The following RNF149 variants were observed in gnomAD, a reference collection of about 807,000 sequenced individuals.
RNF149 encodes E3 ubiquitin-protein ligase RNF149.
In RNF149, 21 loss-of-function variants were observed where a neutral mutation model predicts 39.0. That is an observed-to-expected ratio of 0.54 (90% CI 0.38 to 0.77). RNF149 has a LOEUF of 0.77. RNF149 is among the 30% of genes least tolerant of loss of function. The pLI, the probability that RNF149 is intolerant of heterozygous loss-of-function variation, is 0.00. For synonymous variants in RNF149, 209 were observed against 213.6 expected, an observed-to-expected ratio of 0.98 and a Z score of 0.19; for missense variants, 493 against 534.9, an observed-to-expected ratio of 0.92 and a Z score of 0.77.
At chr2:101,271,308 T>G (rs1268742373), downstream of RNF149, 3 of 152,206 alleles carry the variant, frequency 2.0e-5, no homozygotes, top group Non-Finnish European at 4.4e-5. Flanking sequence ...AGATTTACAC[T>G]TGCAACACCA....
At chr2:101,299,534 A>AT (rs1413192799) in intron 1 of RNF149, among the ~76,000 whole-genome samples, 1 of 152,250 alleles carries the variant, frequency 6.6e-6, no homozygotes, top group East Asian at 1.9e-4. Flanking sequence ...TATATCTGAT[A>AT]TAACTATATG....
chr2:101,289,228 A>AAAT lies in RNF149; in HGVS notation c.781-176_781-174dup, dbSNP rs375456318. On this transcript the variant is annotated intron_variant, in intron 3 of 6. Transcript: ENST00000295317. ...GTTTACCACTATTAGAGGATTATCT[A>AAAT]AATACGGTTGAAAAGGAAAAAATTT... Among the ~76,000 whole-genome samples the AAAT allele has an allele frequency of 6.3e-3, 953 of 152,324 alleles. 4 individuals are homozygous for AAAT. Among genetic ancestry groups the AAAT allele is most frequent in the African/African-American group, 0.022 (910 of 41,568 alleles).
intron 5 of RNF149, among the ~76,000 whole-genome samples, chr2:101,282,389 ACT>A: frequency 6.6e-6 from 1 of 152,152 alleles, no homozygotes; most frequent in Middle Eastern, 3.4e-3. Flanking sequence ...ATAGCCATGA[ACT>A]CTGATTACCG....
intron 1 of RNF149, among the ~76,000 whole-genome samples, chr2:101,301,849 T>C (rs755423895): frequency 1.3e-5 from 2 of 152,222 alleles, no homozygotes; most frequent in Non-Finnish European, 2.9e-5. Context: ...GACAACTATT[T>C]AAAGTAGATT....
chr2:101,286,047 G>A (rs1047243312), intron 5 of RNF149, 34 bp downstream of exon 5: 7 of 1,218,994 alleles, frequency 5.7e-6, no homozygotes, highest in Non-Finnish European at 7.3e-6. Context: ...AAGAACTGGG[G>A]CAGAGATTGA....
At chr2:101,300,923 G>A (rs989558163) in intron 1 of RNF149, among the ~76,000 whole-genome samples, 7 of 152,280 alleles carry the variant, frequency 4.6e-5, no homozygotes, top group South Asian at 2.1e-4. Flanking sequence ...TCTTGCCTCC[G>A]ATGCATCGCC....
At chr2:101,277,640 C>A (rs927470400) in intron 6 of RNF149, among the ~76,000 whole-genome samples, 14 of 152,192 alleles carry the variant, frequency 9.2e-5, no homozygotes, top group African/African-American at 3.1e-4. Context: ...CCACCCACCT[C>A]AGCCTCCCAA....
intron 5 of RNF149, among the ~76,000 whole-genome samples, chr2:101,285,603 G>T (rs1682765588): frequency 1.3e-5 from 2 of 152,176 alleles, no homozygotes; most frequent in African/African-American, 4.8e-5. Flanking sequence ...GTGACCATCG[G>T]TGATGAACCA....
In RNF149 at chr2:101,308,689, CTG is replaced by C; in HGVS notation, c.-103_-102del. 8.7e-7 allele frequency: 1 copy of C among 1,144,326 alleles called. No individual in the cohort carries two copies. Among genetic ancestry groups the C allele is most frequent in the Non-Finnish European group, 1.2e-6 (1 of 852,144 alleles). 70.9% of individuals were successfully genotyped at this position (1,144,326 alleles called of 1,614,324 possible). A position where few individuals can be genotyped will look rare whatever the true frequency, so the allele number is the denominator to read the frequency against. On this transcript the variant is annotated 5_prime_UTR_variant, in exon 1 of 7. Coordinates refer to ENST00000295317, the MANE Select transcript of RNF149 (RefSeq NM_173647.4). ...GGACACCCACCGCCGCCCTGGAAGA[CTG>C]AGGCGGGGTCGGGGCCGCTGCGCAC...
At chr2:101,277,331 C>T (rs553651435) in intron 6 of RNF149, 50 bp from the exon 7 acceptor site, 200 of 1,565,404 alleles carry the variant, frequency 1.3e-4, no homozygotes, top group Non-Finnish European at 1.5e-4. Flanking sequence ...CAGCATATTC[C>T]GAGCTTCAAC....
At chr2:101,286,018 T>A in intron 5 of RNF149, 63 bp downstream of exon 5, 2 of 942,784 alleles carry the variant, frequency 2.1e-6, no homozygotes, top group South Asian at 2.8e-5. Context: ...TAGTCAATAA[T>A]GAAACTGAAT....
downstream of RNF149, among the ~76,000 whole-genome samples, chr2:101,275,504 G>C (rs1239358154): frequency 7.6e-6 from 1 of 131,212 alleles, no homozygotes; most frequent in Non-Finnish European, 1.6e-5. Flanking sequence ...TGCAGTGGCG[G>C]GATCTCGGCT....
In RNF149 at chr2:101,281,924, G is replaced by A; in HGVS notation, c.1094C>T (p.Ala365Val). 6.2e-7 allele frequency: 1 copy of A among 1,613,976 alleles called. No individual in the cohort carries two copies. The highest frequency in any genetic ancestry group is 8.5e-7 in the Non-Finnish European group (1 of 1,179,942). The change falls in exon 6 of 7, where the codon GCT (alanine) becomes GTT (valine). Residue 365 changes from alanine (A) to valine (V), a missense_variant. Coordinates refer to ENST00000295317, the MANE Select transcript of RNF149 (RefSeq NM_173647.4). The part of the protein sequence containing the change: ...DDSSPPSASP[A>V]ESEPQCDPSF... ...GGGATCACACTGTGGCTCAGATTCA[G>A]CAGGGGAGGCTGATGGTGGACTGCT... is the stretch of plus-strand genomic sequence containing the variant.
intron 3 of RNF149, among the ~76,000 whole-genome samples, chr2:101,292,917 G>A (rs1683074240): frequency 6.6e-6 from 1 of 151,722 alleles, no homozygotes; most frequent in African/African-American, 2.4e-5. Context: ...CTATCCCCAA[G>A]GACCTTCTGA....
At chr2:101,301,068 C>G (rs536496340) in intron 1 of RNF149, among the ~76,000 whole-genome samples, 1 of 152,164 alleles carries the variant, frequency 6.6e-6, no homozygotes, top group Non-Finnish European at 1.5e-5. Context: ...ACTCAAAAGA[C>G]TTGGGATGAC....
At chr2:101,297,995 G>A (rs1399734966) in intron 1 of RNF149, among the ~76,000 whole-genome samples, 3 of 152,192 alleles carry the variant, frequency 2.0e-5, no homozygotes, top group Admixed American at 6.5e-5. Context: ...CACACTGCTG[G>A]ACAAGGGGGT....
intron 1 of RNF149, among the ~76,000 whole-genome samples, chr2:101,297,930 A>T (rs1683299905): frequency 6.6e-6 from 1 of 152,232 alleles, no homozygotes; most frequent in Admixed American, 6.5e-5. Flanking sequence ...ATTGGCAAAG[A>T]TCAAAAAGTC....
chr2:101,305,662 C>T (rs991894066), intron 1 of RNF149, among the ~76,000 whole-genome samples: 1 of 152,238 alleles, frequency 6.6e-6, no homozygotes, highest in Non-Finnish European at 1.5e-5. Flanking sequence ...CACAGGGCAA[C>T]CCCCGCCCCA....
At chr2:101,274,779 ATTTC>A (rs1013417076), downstream of RNF149, among the ~76,000 whole-genome samples, 42 of 152,194 alleles carry the variant, frequency 2.8e-4, 1 homozygote, top group African/African-American at 8.9e-4. Context: ...TTCCCCTAGC[ATTTC>A]TTTCTTTCTT....
Sources: allele counts gnomAD v4.1 joint callset (sites outside exome capture counted in the v4.1 genomes callset), GRCh38; gene constraint gnomAD v4.1.1; transcripts MANE v1.5; gene names NCBI Gene and HGNC (gene_info 2026-07-23, HGNC 2026-07-21).